TCERG1L: variants seen among roughly 807,000 people sequenced by gnomAD.
TCERG1L encodes the protein transcription elongation regulator 1 like.
A neutral mutation model predicts 56.3 loss-of-function variants in TCERG1L; 37 were observed. The ratio of observed to expected loss-of-function variants is 0.66; its 90% confidence interval spans 0.51 to 0.87. The LOEUF (loss-of-function observed/expected upper bound fraction) is 0.87, where lower values mean the gene tolerates loss of function less well. Among genes scored for constraint, TCERG1L ranks in the 40% least tolerant of loss-of-function variants. TCERG1L has a pLI of 0.00. For missense variants in TCERG1L, 799 were observed against 774.2 expected, an observed-to-expected ratio of 1.03 and a Z score of -0.38; for synonymous variants, 324 against 326.3, an observed-to-expected ratio of 0.99 and a Z score of 0.08.
intron 3 of TCERG1L, among the ~76,000 whole-genome samples, chr10:131,276,259 A>G (rs1366657476): frequency 2.6e-5 from 4 of 152,198 alleles, no homozygotes; most frequent in African/African-American, 9.6e-5. Context: ...TGCTAAAAAG[A>G]TTAACCCTTT....
chr10:131,166,558 C>T (rs1337339976), intron 5 of TCERG1L, among the ~76,000 whole-genome samples: 1 of 152,222 alleles, frequency 6.6e-6, no homozygotes, highest in Admixed American at 6.5e-5. Flanking sequence ...AGCCAAATCC[C>T]TTCCCAACAG....
chr10:131,225,983 G>C (rs556904924), intron 4 of TCERG1L, among the ~76,000 whole-genome samples: 87 of 152,320 alleles, frequency 5.7e-4, no homozygotes, highest in African/African-American at 2.0e-3. Context: ...TGTCATCCAG[G>C]CTACAGTGCA....
intron 3 of TCERG1L, among the ~76,000 whole-genome samples, chr10:131,291,957 A>G (rs562890959): frequency 1.3e-5 from 2 of 152,326 alleles, no homozygotes; most frequent in South Asian, 4.1e-4. Context: ...ATAACTACTA[A>G]TATGTAGAAA....
At chr10:131,277,213 C>T (rs529111188) in intron 3 of TCERG1L, among the ~76,000 whole-genome samples, 2 of 152,130 alleles carry the variant, frequency 1.3e-5, no homozygotes, top group African/African-American at 2.4e-5. Flanking sequence ...CTCCACCCCA[C>T]GAGTGAATGG....
intron 3 of TCERG1L, among the ~76,000 whole-genome samples, chr10:131,304,166 A>G (rs1846796237): frequency 6.6e-6 from 1 of 152,062 alleles, no homozygotes; most frequent in African/African-American, 2.4e-5. Flanking sequence ...GCAACGGGAC[A>G]TGGACAACTT....
rs562160887 is a variant in TCERG1L, at chr10:131,127,842, A to T, written c.1259+6537T>A. ...CACTGCTCTTGTCACCGTCTCATCT[A>T]AACAGGGATGACAGAGAACCACCAC... On this transcript the variant is annotated intron_variant, in intron 8 of 11. Coordinates refer to ENST00000368642, the MANE Select transcript of TCERG1L (RefSeq NM_174937.4). 1.1e-3 allele frequency among the ~76,000 whole-genome samples: 160 copies of T among 152,184 alleles called. 1 individual carries two copies. Among genetic ancestry groups the T allele is most frequent in the African/African-American group, 1.0e-3 (42 of 41,518 alleles).
chr10:131,162,744 G>T (rs1043286035), intron 6 of TCERG1L: 5 of 168,800 alleles, frequency 3.0e-5, no homozygotes, highest in African/African-American at 9.5e-5. Context: ...GCGACAGAGA[G>T]AACAGGCACG....
intron 4 of TCERG1L, among the ~76,000 whole-genome samples, chr10:131,179,272 C>T (rs552736303): frequency 6.6e-6 from 1 of 152,348 alleles, no homozygotes; most frequent in African/African-American, 2.4e-5. Context: ...CAGGTCACAG[C>T]GAGAGGCCAG....
chr10:131,237,801 G>A (rs542334900), intron 4 of TCERG1L, among the ~76,000 whole-genome samples: 5 of 152,142 alleles, frequency 3.3e-5, no homozygotes, highest in Non-Finnish European at 7.3e-5. Flanking sequence ...CCTGTAGGCA[G>A]CGAGGGCCTT....
intron 7 of TCERG1L, among the ~76,000 whole-genome samples, chr10:131,136,478 C>T (rs1159527644): frequency 6.6e-6 from 1 of 151,958 alleles, no homozygotes; most frequent in Non-Finnish European, 1.5e-5. Flanking sequence ...GGAGGGGTGG[C>T]CCCCAGCAGT....
intron 6 of TCERG1L, among the ~76,000 whole-genome samples, chr10:131,150,769 G>GT (rs758445474): frequency 3.1e-4 from 47 of 152,218 alleles, no homozygotes; most frequent in Non-Finnish European, 5.9e-4. Context: ...GTCAGTGGCT[G>GT]TATGAGTCCA....
At chr10:131,100,760 G>A (rs1463897653) in intron 10 of TCERG1L, among the ~76,000 whole-genome samples, 1 of 152,176 alleles carries the variant, frequency 6.6e-6, no homozygotes, top group Non-Finnish European at 1.5e-5. Context: ...TGTGACACCA[G>A]GTCCTGTACA....
At chr10:131,166,918 C>A (rs764941201) in intron 4 of TCERG1L, 33 bp from the exon 5 acceptor site, 9 of 1,582,036 alleles carry the variant, frequency 5.7e-6, no homozygotes, top group African/African-American at 5.4e-5. Flanking sequence ...ATTAACATTT[C>A]ATTTGTCACA....
chr10:131,164,875 C>T (rs1444907878), intron 5 of TCERG1L, among the ~76,000 whole-genome samples: 2 of 152,158 alleles, frequency 1.3e-5, no homozygotes, highest in Non-Finnish European at 2.9e-5. Context: ...CGTGGGGAGC[C>T]GCCAGCGCAA....
intron 9 of TCERG1L, among the ~76,000 whole-genome samples, chr10:131,115,593 C>A (rs1308783426): frequency 9.5e-6 from 1 of 105,432 alleles, no homozygotes; most frequent in Non-Finnish European, 2.2e-5. Context: ...CAGTCACCAG[C>A]TCACACCCCC....
At chr10:131,173,494 T>A (rs551284937) in intron 4 of TCERG1L, among the ~76,000 whole-genome samples, 1 of 152,324 alleles carries the variant, frequency 6.6e-6, no homozygotes, top group South Asian at 2.1e-4. Flanking sequence ...TGAGGCGTGG[T>A]GACTGCATTG....
rs2944530 is a variant in TCERG1L, at chr10:131,159,982, A to T, written c.1034+3140T>A. On this transcript the variant is annotated intron_variant, in intron 6 of 11. Coordinates refer to ENST00000368642, the MANE Select transcript of TCERG1L (RefSeq NM_174937.4). Reference sequence around the variant, plus strand: ...CATCCTGATTCCAACAGCTGCTCAAACAAGCCTAGGCTCTCTCTGCATTCA... The same window carrying T: ...CATCCTGATTCCAACAGCTGCTCAATCAAGCCTAGGCTCTCTCTGCATTCA... Among the ~76,000 whole-genome samples, 16 of 152,238 alleles carry T rather than the reference A, an allele frequency of 1.1e-4. No homozygotes were observed. In the East Asian group the frequency reaches 2.9e-3, roughly 28 times the overall value.
rs57749121 is a variant in TCERG1L, at chr10:131,166,930, T to A, written c.857-45A>T. On this transcript the variant is annotated intron_variant, in intron 4 of 11. Coordinates refer to ENST00000368642, the MANE Select transcript of TCERG1L (RefSeq NM_174937.4). ...GTCATTAACATTTCATTTGTCACAG[T>A]AGTTTGGAAAACCTAAGCAATCAAA... is the stretch of plus-strand genomic sequence containing the variant. 4.7e-3 allele frequency: 7,291 copies of A among 1,562,536 alleles called. 313 individuals are homozygous for A. In the African/African-American group the frequency reaches 0.088, roughly 19 times the overall value.
At chr10:131,201,824 C>T (rs1295011419) in intron 4 of TCERG1L, among the ~76,000 whole-genome samples, 1 of 152,194 alleles carries the variant, frequency 6.6e-6, no homozygotes, top group Non-Finnish European at 1.5e-5. Flanking sequence ...GAGCTGCCGG[C>T]TTTGCTAAAC....
Sources: gnomAD v4.1 joint callset for allele counts (sites outside exome capture counted in the v4.1 genomes callset) on GRCh38, gnomAD v4.1.1 for gene constraint, MANE v1.5 for transcripts, NCBI Gene and HGNC (gene_info 2026-07-23, HGNC 2026-07-21) for gene names.